Variants in CPED1 observed in about 807,000 individuals in gnomAD.
CPED1 encodes the protein cadherin like and PC-esterase domain containing 1, also known as cadherin-like and PC-esterase domain-containing protein 1.
A neutral mutation model predicts 128.2 loss-of-function variants in CPED1; 114 were observed. The observed-to-expected ratio is 0.89, with a 90% CI of 0.76 to 1.04. The LOEUF (loss-of-function observed/expected upper bound fraction) is 1.04, where lower values mean the gene tolerates loss of function less well. Among genes scored for constraint, CPED1 ranks in the 50% least tolerant of loss-of-function variants. The pLI, the probability that CPED1 is intolerant of heterozygous loss-of-function variation, is 0.00. For synonymous variants in CPED1, 462 were observed against 426.7 expected (o/e 1.08, Z -1.02); for missense variants, 1,211 against 1,207.1 (o/e 1.00, Z -0.05).
In CPED1 at chr7:121,265,421, A is replaced by G. The variant is rs183366722; in HGVS notation, c.2311-806A>G. Reference sequence around the variant, plus strand: ...ACTATGTGTGAAATCTCCACCTAACAAAGACTGGTATGCAATAAAAACAGT... The same window carrying G: ...ACTATGTGTGAAATCTCCACCTAACGAAGACTGGTATGCAATAAAAACAGT... On this transcript the variant is annotated intron_variant, in intron 18 of 22. Transcript: ENST00000310396. Among the ~76,000 whole-genome samples the G allele has an allele frequency of 1.3e-3, 194 of 152,190 alleles. 1 individual carries two copies. Among genetic ancestry groups the G allele is most frequent in the African/African-American group, 4.4e-3 (181 of 41,538 alleles).
chr7:121,029,694 G>A (rs1194403009), intron 3 of CPED1, among the ~76,000 whole-genome samples: 1 of 152,142 alleles, frequency 6.6e-6, no homozygotes, highest in Non-Finnish European at 1.5e-5. Context: ...TGTGGTACCT[G>A]AAATTTCTAC....
At chr7:121,260,223 G>GTTTTTTTTTTTTTTTTTT (rs59370305) in intron 18 of CPED1, among the ~76,000 whole-genome samples, 3 of 69,978 alleles carry the variant, frequency 4.3e-5, no homozygotes, top group African/African-American at 5.7e-5. Context: ...CTTGCTTCGC[G>GTTTTTTTTTTTTTTTTTT]TTTTTTTTTT....
intron 7 of CPED1, among the ~76,000 whole-genome samples, chr7:121,113,839 T>C (rs1327359156): frequency 2.6e-5 from 4 of 152,168 alleles, no homozygotes; most frequent in African/African-American, 9.7e-5. Context: ...AACTTTTTTT[T>C]TTTCTTTGAG....
chr7:120,991,150 A>C (rs1169267505), intron 2 of CPED1, among the ~76,000 whole-genome samples: 1 of 152,254 alleles, frequency 6.6e-6, no homozygotes, highest in Non-Finnish European at 1.5e-5. Context: ...AATACAAAAT[A>C]ACATTAAGTT....
chr7:121,055,930 A>G (rs1209929079), intron 4 of CPED1, among the ~76,000 whole-genome samples: 1 of 151,988 alleles, frequency 6.6e-6, no homozygotes, highest in African/African-American at 2.4e-5. Context: ...TAATAATTCT[A>G]TTTCTTGGAA....
At chr7:121,248,302 C>A (rs144920603) in intron 18 of CPED1, among the ~76,000 whole-genome samples, 349 of 152,242 alleles carry the variant, frequency 2.3e-3, no homozygotes, top group African/African-American at 8.1e-3. Flanking sequence ...ATCTCCTTGC[C>A]GGAGCCTCTG....
Position 121,295,545 on chromosome 7 carries a change from G to A in CPED1, c.2974G>A (p.Gly992Ser). 1.2e-6 allele frequency: 2 copies of A among 1,614,090 alleles called. No individual in the cohort carries two copies. Among genetic ancestry groups the A allele is most frequent in the Middle Eastern group, 1.7e-4 (1 of 6,060 alleles). The change falls in exon 23 of 23, where the codon GGC becomes AGC. Residue 992 changes from glycine (G) to serine (S), a missense_variant. By Grantham distance (56) the Gly-to-Ser change is moderately conservative. Coordinates refer to ENST00000310396, the MANE Select transcript of CPED1 (RefSeq NM_024913.5). ...YFSNQSKLQQ[G>S]TVTNFRSPYH... ...CAGCAATCAAAGCAAACTACAACAA[G>A]GCACTGTAACAAATTTTCGATCGCC...
At chr7:121,151,238 C>T (rs943201809) in intron 16 of CPED1, among the ~76,000 whole-genome samples, 14 of 152,016 alleles carry the variant, frequency 9.2e-5, no homozygotes, top group South Asian at 2.1e-4. Context: ...AAATAATGTA[C>T]GTATATATGC....
chr7:121,280,683 C>A (rs536750359), intron 22 of CPED1, among the ~76,000 whole-genome samples: 4 of 152,186 alleles, frequency 2.6e-5, no homozygotes, highest in African/African-American at 9.6e-5. Context: ...TATTTGGGGG[C>A]AAAGGGATGA....
intron 2 of CPED1, among the ~76,000 whole-genome samples, chr7:120,998,814 CTTT>C (rs754633111): frequency 7.0e-6 from 1 of 143,552 alleles, no homozygotes. Flanking sequence ...TTGTGGAATC[CTTT>C]TTTTTTTTTT....
intron 3 of CPED1, among the ~76,000 whole-genome samples, chr7:121,027,914 C>T (rs1157200871): frequency 6.6e-6 from 1 of 152,034 alleles, no homozygotes; most frequent in Non-Finnish European, 1.5e-5. Flanking sequence ...ACCTCCTTAT[C>T]AGAGTCACTA....
chr7:121,173,477 C>A (rs2116474955), intron 16 of CPED1, among the ~76,000 whole-genome samples: 1 of 152,212 alleles, frequency 6.6e-6, no homozygotes, highest in Non-Finnish European at 1.5e-5. Context: ...CATCATTTAG[C>A]TCCCACTTAT....
At chr7:121,256,665 T>G (rs1791886663) in intron 18 of CPED1, among the ~76,000 whole-genome samples, 1 of 152,032 alleles carries the variant, frequency 6.6e-6, no homozygotes, top group Admixed American at 6.6e-5. Flanking sequence ...AACTTAAAAC[T>G]GAGCTATTAT....
At chr7:120,993,478 A>T (rs754127941) in intron 2 of CPED1, among the ~76,000 whole-genome samples, 6 of 152,202 alleles carry the variant, frequency 3.9e-5, no homozygotes, top group African/African-American at 1.4e-4. Context: ...ATTCTATATG[A>T]CATCTACTTT....
intron 7 of CPED1, among the ~76,000 whole-genome samples, chr7:121,111,421 T>TA (rs1795104866): frequency 1.3e-5 from 2 of 152,170 alleles, no homozygotes; most frequent in South Asian, 2.1e-4. Context: ...CCCATTGCTA[T>TA]AAAAACAGCC....
In CPED1 at chr7:121,099,969, G is replaced by A; in HGVS notation, c.793G>A (p.Ala265Thr). ...TGCTCCACATGAAACAATCTTTCGA[G>A]CCGAAGATCTATCTGTGATTCTTAA... ...VLAPHETIFR[A>T]EDLSVILKAY... The change falls in exon 7 of 23, where the codon GCC becomes ACC. Residue 265 changes from alanine (A) to threonine (T), a missense_variant. By Grantham distance (58) the Ala-to-Thr change is moderately conservative. Coordinates refer to ENST00000310396, the MANE Select transcript of CPED1 (RefSeq NM_024913.5). 2 of 1,613,204 alleles carry A rather than the reference G, an allele frequency of 1.2e-6. No individual in the cohort carries two copies. Among genetic ancestry groups the A allele is most frequent in the South Asian group, 1.1e-5 (1 of 91,044 alleles).
At chr7:121,012,027 AT>A (rs2116800807) in intron 2 of CPED1, among the ~76,000 whole-genome samples, 1 of 152,318 alleles carries the variant, frequency 6.6e-6, no homozygotes, top group South Asian at 2.1e-4. Context: ...TTGTTACTTC[AT>A]TTACACATGT....
chr7:121,032,522 C>CG (rs939914001), intron 3 of CPED1, among the ~76,000 whole-genome samples: 455 of 8,398 alleles, frequency 0.054, 5 homozygotes, highest in South Asian at 0.024. Flanking sequence ...CATCATACCG[C>CG]GGGGGGGGCC....
intron 22 of CPED1, among the ~76,000 whole-genome samples, chr7:121,272,434 C>G (rs1403353271): frequency 6.6e-6 from 1 of 151,964 alleles, no homozygotes; most frequent in Non-Finnish European, 1.5e-5. Context: ...CCCCTCCCCA[C>G]CAGTGGAACT....
Sources: gnomAD v4.1 joint callset for allele counts (sites outside exome capture counted in the v4.1 genomes callset) on GRCh38, gnomAD v4.1.1 for gene constraint, MANE v1.5 for transcripts, NCBI Gene and HGNC (gene_info 2026-07-23, HGNC 2026-07-21) for gene names.